PPARGC1A: variants seen among roughly 807,000 people sequenced by gnomAD.
PPARGC1A encodes the protein peroxisome proliferator-activated receptor gamma coactivator 1-alpha.
A neutral mutation model predicts 88.7 loss-of-function variants in PPARGC1A; 25 were observed. The observed-to-expected ratio is 0.28, with a 90% CI of 0.21 to 0.39. PPARGC1A has a LOEUF of 0.39. Ranked by LOEUF, PPARGC1A falls within the 10% of genes least tolerant of loss-of-function variation. The pLI, the probability that PPARGC1A is intolerant of heterozygous loss-of-function variation, is 1.00. For synonymous variants in PPARGC1A, 363 were observed against 355.6 expected (o/e 1.02, Z -0.24); for missense variants, 880 against 968.7 (o/e 0.91, Z 1.22).
At chr4:24,100,069 T>C in the PPARGC1A span, among the ~76,000 whole-genome samples, 1 of 152,010 alleles carries the variant, frequency 6.6e-6, no homozygotes, top group Non-Finnish European at 1.5e-5. Context: ...CATGTGTACA[T>C]ATGTAACAAA....
the PPARGC1A span, among the ~76,000 whole-genome samples, chr4:24,078,264 G>T: frequency 6.6e-6 from 1 of 152,102 alleles, no homozygotes; most frequent in African/African-American, 2.4e-5. Flanking sequence ...AATGTGACAT[G>T]GAGGAGAGTT....
At chr4:23,928,079 G>A in the PPARGC1A span, among the ~76,000 whole-genome samples, 1 of 152,108 alleles carries the variant, frequency 6.6e-6, no homozygotes, top group Non-Finnish European at 1.5e-5. Context: ...CTGCCATGAT[G>A]GTGCATCCCA....
At chr4:24,031,986 C>T in the PPARGC1A span, among the ~76,000 whole-genome samples, 6 of 152,218 alleles carry the variant, frequency 3.9e-5, no homozygotes, top group Non-Finnish European at 8.8e-5. Context: ...AAGCCCCAGG[C>T]CTCTTGCCTC....
At chr4:24,223,839 T>C in the PPARGC1A span, among the ~76,000 whole-genome samples, 5 of 152,216 alleles carry the variant, frequency 3.3e-5, no homozygotes, top group Admixed American at 2.0e-4. Flanking sequence ...TTCAGTTTGA[T>C]TTACAAATAA....
At chr4:24,246,529 C>T in the PPARGC1A span, among the ~76,000 whole-genome samples, 67 of 152,248 alleles carry the variant, frequency 4.4e-4, no homozygotes, top group South Asian at 0.011. Flanking sequence ...ATGGGAGGAT[C>T]GCTTAAGCCT....
chr4:24,296,349 T>G, the PPARGC1A span, among the ~76,000 whole-genome samples: 1 of 152,102 alleles, frequency 6.6e-6, no homozygotes, highest in African/African-American at 2.4e-5. Context: ...TTATCTGAAA[T>G]TCAAATTAAC....
At chr4:23,884,597 C>T (rs1716543379) in intron 2 of PPARGC1A, 155 bp downstream of exon 2, 3 of 560,004 alleles carry the variant, frequency 5.4e-6, no homozygotes, top group Non-Finnish European at 5.5e-6. Context: ...TTTCCAAATG[C>T]TGTTTTTCCA....
chr4:24,176,290 T>C, the PPARGC1A span, among the ~76,000 whole-genome samples: 1 of 152,176 alleles, frequency 6.6e-6, no homozygotes. Flanking sequence ...ATTCCCTTTT[T>C]AGCTTGTGGG....
At chr4:23,930,598 T>C in the PPARGC1A span, among the ~76,000 whole-genome samples, 1 of 152,210 alleles carries the variant, frequency 6.6e-6, no homozygotes, top group Non-Finnish European at 1.5e-5. Context: ...CAAAAGAGCA[T>C]ATATCATTCA....
At chr4:24,180,181 T>A in the PPARGC1A span, among the ~76,000 whole-genome samples, 2 of 152,202 alleles carry the variant, frequency 1.3e-5, no homozygotes. Context: ...TAATTAACAT[T>A]GAATTAGCCC....
At chr4:24,104,412 C>T in the PPARGC1A span, among the ~76,000 whole-genome samples, 1 of 152,160 alleles carries the variant, frequency 6.6e-6, no homozygotes, top group South Asian at 2.1e-4. Flanking sequence ...GGCTCTGACA[C>T]TCCCAAGGTC....
intron 2 of PPARGC1A, among the ~76,000 whole-genome samples, chr4:23,842,131 C>T (rs1355705306): frequency 6.6e-6 from 1 of 152,102 alleles, no homozygotes; most frequent in African/African-American, 2.4e-5. Context: ...GTTAGAATGA[C>T]ATAGCATGCA....
chr4:24,295,172 C>A, the PPARGC1A span, among the ~76,000 whole-genome samples: 1 of 152,158 alleles, frequency 6.6e-6, no homozygotes, highest in Admixed American at 6.5e-5. Context: ...TTCCTTATCA[C>A]GAGATGTTTT....
the PPARGC1A span, among the ~76,000 whole-genome samples, chr4:24,459,167 TA>T: frequency 2.0e-5 from 3 of 152,124 alleles, no homozygotes; most frequent in Non-Finnish European, 4.4e-5. Flanking sequence ...AGGTAAAATA[TA>T]AAGGAAGACA....
At chr4:24,186,981 TA>T in the PPARGC1A span, among the ~76,000 whole-genome samples, 222 of 152,348 alleles carry the variant, frequency 1.5e-3, no homozygotes, top group African/African-American at 5.2e-3. Flanking sequence ...TACAGTTTTT[TA>T]AAAATTGCCA....
the PPARGC1A span, among the ~76,000 whole-genome samples, chr4:24,095,243 G>A: frequency 1.7e-4 from 26 of 149,072 alleles, no homozygotes; most frequent in East Asian, 4.5e-3. Context: ...TCAGCCTCCC[G>A]AGTAGCTGGG....
chr4:23,942,157 C>T, the PPARGC1A span, among the ~76,000 whole-genome samples: 11 of 152,094 alleles, frequency 7.2e-5, no homozygotes, highest in African/African-American at 2.4e-4. Context: ...TCACATTTCA[C>T]CTCTTGGCAG....
chr4:23,906,786 G>A (rs745936659), upstream of PPARGC1A, among the ~76,000 whole-genome samples: 3 of 152,208 alleles, frequency 2.0e-5, no homozygotes, highest in Non-Finnish European at 4.4e-5. Flanking sequence ...GCTTGGAAAT[G>A]TAGTCAAATA....
At chr4:24,062,158 G>T in the PPARGC1A span, among the ~76,000 whole-genome samples, 1 of 152,156 alleles carries the variant, frequency 6.6e-6, no homozygotes, top group Non-Finnish European at 1.5e-5. Flanking sequence ...AAACAAAGAA[G>T]TGGCATGACT....
Sources: gnomAD v4.1 joint callset for allele counts (sites outside exome capture counted in the v4.1 genomes callset) on GRCh38, gnomAD v4.1.1 for gene constraint, MANE v1.5 for transcripts, NCBI Gene and HGNC (gene_info 2026-07-23, HGNC 2026-07-21) for gene names.